Variants in WDR25 observed in about 807,000 individuals in gnomAD.
WDR25 encodes WD repeat-containing protein 25.
A neutral mutation model predicts 47.7 loss-of-function variants in WDR25; 35 were observed. The ratio of observed to expected loss-of-function variants is 0.73; its 90% CI spans 0.56 to 0.97. The LOEUF (loss-of-function observed/expected upper bound fraction) is 0.97, where lower values mean the gene tolerates loss of function less well. Ranked by LOEUF, WDR25 falls within the 50% of genes least tolerant of loss-of-function variation. The pLI is 0.00. For missense variants in WDR25, 634 were observed against 704.7 expected (o/e 0.90, Z 1.14); for synonymous variants, 248 against 278.9 (o/e 0.89, Z 1.10).
rs550629799 is a variant in WDR25, at chr14:100,381,222, G to A, written c.298G>A (p.Gly100Arg). ...CCCCAGCCAGAGGCTACAGTGGCCCGGGAAGGAGCCTCAAGTCACCTTCCC... is the reference window on the plus strand; with the variant it reads ...CCCCAGCCAGAGGCTACAGTGGCCCAGGAAGGAGCCTCAAGTCACCTTCCC... ...SCPSQRLQWP[G>R]KEPQVTFPIK... The change falls in exon 2 of 7, where the codon GGG becomes AGG. Residue 100 changes from glycine (G) to arginine (R), a missense_variant. Gly to Arg is a moderately radical substitution (Grantham distance 125). Coordinates refer to ENST00000402312, the MANE Select transcript of WDR25 (RefSeq NM_001161476.3). 113 of 1,614,000 alleles carry A rather than the reference G, an allele frequency of 7.0e-5. No individual in the cohort carries two copies. Among genetic ancestry groups the A allele is most frequent in the Non-Finnish European group, 8.0e-5 (94 of 1,180,012 alleles).
rs933215604 is a variant in WDR25, at chr14:100,424,157, C to T, written c.822+42411C>T. On this transcript the variant is annotated intron_variant, in intron 2 of 6. Transcript: ENST00000402312. The surrounding 1 kb of genome is among the most constrained non-coding windows in gnomAD (Gnocchi z 4.2). ...TTGTTTTAAGGGGAGGAAGGCACCA[C>T]GGGCGAGGCCTCCCAGGCTGGCTGG... Among the ~76,000 whole-genome samples, 7 of 152,226 alleles carry T rather than the reference C, an allele frequency of 4.6e-5. No individual in the cohort carries two copies. The highest frequency in any genetic ancestry group is 2.1e-4 in the South Asian group (1 of 4,832).
chr14:100,393,753 G>A (rs1206304739), intron 2 of WDR25, among the ~76,000 whole-genome samples: 1 of 152,166 alleles, frequency 6.6e-6, no homozygotes, highest in East Asian at 1.9e-4. Flanking sequence ...TGGAGGGCTG[G>A]GAAGTAGATG....
At chr14:100,515,080 AT>A (rs1199180926) in intron 4 of WDR25, among the ~76,000 whole-genome samples, 1 of 152,086 alleles carries the variant, frequency 6.6e-6, no homozygotes, top group Non-Finnish European at 1.5e-5. Flanking sequence ...TGTATTTCTC[AT>A]CTTTGCTTTT....
At chr14:100,469,934 C>T (rs1416607391) in intron 3 of WDR25, among the ~76,000 whole-genome samples, 3 of 152,176 alleles carry the variant, frequency 2.0e-5, no homozygotes, top group African/African-American at 7.2e-5. Flanking sequence ...GCTTGATAGG[C>T]GAGACAGAGC....
intron 2 of WDR25, among the ~76,000 whole-genome samples, chr14:100,427,824 G>A (rs1330030343): frequency 6.6e-6 from 1 of 152,250 alleles, no homozygotes; most frequent in Admixed American, 6.5e-5. Flanking sequence ...GGAGGCCAGA[G>A]CTGGGGAGGG....
chr14:100,479,795 A>G (rs1900138998), intron 3 of WDR25, among the ~76,000 whole-genome samples: 1 of 152,174 alleles, frequency 6.6e-6, no homozygotes, highest in South Asian at 2.1e-4. Flanking sequence ...GCAGTGGGTG[A>G]GTGAACATTC....
chr14:100,425,930 T>G lies in WDR25; in HGVS notation c.823-42091T>G, dbSNP rs1898154382. ...TGGGGCCAGGGCGAGACCCTGGGCC[T>G]TGCGAGGACGCCGTCCTGACATTTC... On this transcript the variant is annotated intron_variant, in intron 2 of 6. Coordinates refer to ENST00000402312, the MANE Select transcript of WDR25 (RefSeq NM_001161476.3). This position sits in a 1 kb window ranked among gnomAD's most constrained non-coding sequence, Gnocchi z 4.8. Among the ~76,000 whole-genome samples, 1 of 152,164 alleles carries G rather than the reference T, an allele frequency of 6.6e-6. No individual in the cohort carries two copies. Among genetic ancestry groups the G allele is most frequent in the South Asian group, 2.1e-4 (1 of 4,830 alleles).
chr14:100,394,010 C>A (rs1897200146), intron 2 of WDR25, among the ~76,000 whole-genome samples: 1 of 152,208 alleles, frequency 6.6e-6, no homozygotes, highest in African/African-American at 2.4e-5. Flanking sequence ...AATTATCTCA[C>A]AGGGCTGTGA....
In WDR25 at chr14:100,488,613, A is replaced by C. The variant is rs921010960; in HGVS notation, c.1101+4489A>C. ...GTAGGAGAGCACCTGGGCTCTTGTT[A>C]GGATGCAGATTCTGTTTCAGCAGGT... On this transcript the variant is annotated intron_variant, in intron 4 of 6. Coordinates refer to ENST00000402312, the MANE Select transcript of WDR25 (RefSeq NM_001161476.3). This position sits in a 1 kb window ranked among gnomAD's most constrained non-coding sequence, Gnocchi z 4.2. Among the ~76,000 whole-genome samples the C allele has an allele frequency of 1.3e-5, 2 of 152,174 alleles. No homozygotes were observed. Among genetic ancestry groups the C allele is most frequent in the African/African-American group, 4.8e-5 (2 of 41,460 alleles).
chr14:100,465,830 G>T (rs1473221019), intron 2 of WDR25, among the ~76,000 whole-genome samples: 1 of 152,210 alleles, frequency 6.6e-6, no homozygotes, highest in Non-Finnish European at 1.5e-5. Flanking sequence ...ACCAGCAGTG[G>T]ACAAGGGTTC....
At chr14:100,444,948 G>A (rs568100656) in intron 2 of WDR25, among the ~76,000 whole-genome samples, 1 of 152,312 alleles carries the variant, frequency 6.6e-6, no homozygotes, top group East Asian at 1.9e-4. Flanking sequence ...CCGTTTTCTA[G>A]CTGTTGAAAT....
chr14:100,408,810 GT>G (rs998917291), intron 2 of WDR25, among the ~76,000 whole-genome samples: 3 of 152,142 alleles, frequency 2.0e-5, no homozygotes, highest in African/African-American at 7.2e-5. Context: ...AAAAACCTAT[GT>G]GAATTATTTT....
At chr14:100,457,052 G>T (rs183358527) in intron 2 of WDR25, among the ~76,000 whole-genome samples, 12 of 152,098 alleles carry the variant, frequency 7.9e-5, no homozygotes, top group Admixed American at 7.9e-4. Context: ...CCGCCTCCCA[G>T]ATTCAAGCGA....
At chr14:100,377,332 C>A (rs969335849) in intron 1 of WDR25, among the ~76,000 whole-genome samples, 1 of 149,318 alleles carries the variant, frequency 6.7e-6, no homozygotes, top group Non-Finnish European at 1.5e-5. Flanking sequence ...CCAAGTCTCG[C>A]TCTGTAGCCC....
intron 2 of WDR25, among the ~76,000 whole-genome samples, chr14:100,450,448 A>T (rs1188661245): frequency 6.6e-6 from 1 of 152,204 alleles, no homozygotes; most frequent in African/African-American, 2.4e-5. Flanking sequence ...GTTGCTTAAT[A>T]TCTTTCTCTT....
chr14:100,453,099 GA>G (rs1157056494), intron 2 of WDR25, among the ~76,000 whole-genome samples: 2 of 152,140 alleles, frequency 1.3e-5, no homozygotes, highest in African/African-American at 4.8e-5. Flanking sequence ...CAGCACTTTG[GA>G]CCATCAAATT....
intron 3 of WDR25, among the ~76,000 whole-genome samples, chr14:100,479,000 G>A (rs1353994370): frequency 6.6e-6 from 1 of 152,012 alleles, no homozygotes; most frequent in Non-Finnish European, 1.5e-5. Flanking sequence ...GCAAGAAGCC[G>A]GCCACTGAAT....
Position 100,424,640 on chromosome 14 carries a change from G to T in WDR25, c.822+42894G>T, listed in dbSNP as rs1324808299. Among the ~76,000 whole-genome samples, 1 of 152,206 alleles carries T rather than the reference G, an allele frequency of 6.6e-6. No individual in the cohort carries two copies. The highest frequency in any genetic ancestry group is 2.4e-5 in the African/African-American group (1 of 41,442). On this transcript the variant is annotated intron_variant, in intron 2 of 6. Coordinates refer to ENST00000402312, the MANE Select transcript of WDR25 (RefSeq NM_001161476.3). This position sits in a 1 kb window ranked among gnomAD's most constrained non-coding sequence, Gnocchi z 4.2. ...TGCGTGGGAATGTCTTGGGCCTGGG[G>T]ATGTAGAGCCCAGGTTCTGGGACCA...
intron 2 of WDR25, among the ~76,000 whole-genome samples, chr14:100,395,382 C>G (rs764982435): frequency 3.9e-5 from 6 of 152,212 alleles, no homozygotes; most frequent in Non-Finnish European, 7.3e-5. Flanking sequence ...GGCAGACTCT[C>G]AGGAGAGTAC....
Sources: allele counts gnomAD v4.1 joint callset (sites outside exome capture counted in the v4.1 genomes callset), GRCh38; gene constraint gnomAD v4.1.1; non-coding constraint Gnocchi (gnomAD v3.1); transcripts MANE v1.5; gene names NCBI Gene and HGNC (gene_info 2026-07-23, HGNC 2026-07-21).